Variants in MAP2 observed in about 807,000 individuals in gnomAD.
The protein encoded by MAP2 is microtubule-associated protein 2.
A neutral mutation model predicts 137.6 loss-of-function variants in MAP2; 14 were observed. That is an observed-to-expected ratio of 0.10 (90% confidence interval 0.07 to 0.16). MAP2 has a LOEUF of 0.16. Among genes scored for constraint, MAP2 ranks in the 10% least tolerant of loss-of-function variants. The pLI is 1.00. For missense variants in MAP2, 2,088 were observed against 2,191.5 expected, an observed-to-expected ratio of 0.95 and a Z score of 0.94; for synonymous variants, 786 against 782.3, an observed-to-expected ratio of 1.00 and a Z score of -0.08.
rs575208304 is a variant in MAP2 at position 209,429,199 on chromosome 2, C to A, written c.-222+4923C>A. On this transcript the variant is annotated intron_variant, in intron 1 of 15. Coordinates refer to ENST00000682079, the MANE Select transcript of MAP2 (RefSeq NM_001375505.1). ...CGATCTCCTGACCTCGTGATCCGCC[C>A]GCCTCAGCCTCCCAAAGTGCTGGGA... Among the ~76,000 whole-genome samples the A allele has an allele frequency of 2.4e-4, 36 of 152,056 alleles. No homozygotes were observed. In the East Asian group the frequency reaches 6.8e-3, roughly 29 times the overall value.
At position 209,603,794 on chromosome 2, in the gene MAP2, G is replaced by A. The variant is rs80115970; in HGVS notation, c.-106-21259G>A. ...TAACAGTTTCAGTCTTTTCATCAGAGGAAAGAAACCACAATTGCTCTTAGT... is the reference window on the plus strand; with the variant it reads ...TAACAGTTTCAGTCTTTTCATCAGAAGAAAGAAACCACAATTGCTCTTAGT... On this transcript the variant is annotated intron_variant, in intron 3 of 15. Coordinates refer to ENST00000682079, the MANE Select transcript of MAP2 (RefSeq NM_001375505.1). Among the ~76,000 whole-genome samples the A allele has an allele frequency of 1.7e-4, 26 of 152,146 alleles. No individual in the cohort carries two copies. In the East Asian group the frequency reaches 4.6e-3, roughly 27 times the overall value.
intron 1 of MAP2, among the ~76,000 whole-genome samples, chr2:209,454,444 C>T (rs1448789374): frequency 2.0e-5 from 3 of 151,874 alleles, no homozygotes; most frequent in Non-Finnish European, 2.9e-5. Flanking sequence ...AAGCAATTCT[C>T]CCTCCCTCAG....
chr2:209,564,373 C>A (rs570061562), intron 2 of MAP2, among the ~76,000 whole-genome samples: 1 of 151,948 alleles, frequency 6.6e-6, no homozygotes, highest in Non-Finnish European at 1.5e-5. Flanking sequence ...AATAATTTAT[C>A]TCAAGTTATT....
intron 1 of MAP2, among the ~76,000 whole-genome samples, chr2:209,426,762 G>A (rs1330930391): frequency 6.6e-5 from 10 of 152,140 alleles, no homozygotes; most frequent in Non-Finnish European, 4.4e-5. Flanking sequence ...TTCCTTTTCA[G>A]GGATCTTGAA....
intron 2 of MAP2, among the ~76,000 whole-genome samples, chr2:209,577,154 A>G (rs16843173): frequency 0.013 from 2,023 of 152,294 alleles, 51 homozygotes; most frequent in African/African-American, 0.046. Flanking sequence ...TCACCTCATT[A>G]TCCAAAATCA....
intron 2 of MAP2, among the ~76,000 whole-genome samples, chr2:209,524,330 C>A (rs1016533911): frequency 6.7e-6 from 1 of 149,594 alleles, no homozygotes; most frequent in African/African-American, 2.4e-5. Flanking sequence ...TCTTTTTTTT[C>A]TTTTTTTTAT....
intron 2 of MAP2, among the ~76,000 whole-genome samples, chr2:209,557,613 T>C (rs2070994830): frequency 6.6e-6 from 1 of 152,184 alleles, no homozygotes. Context: ...GTCTGTAAAA[T>C]GAGTCCTTGG....
chr2:209,714,594 A>G (rs2066793322), intron 13 of MAP2, among the ~76,000 whole-genome samples: 2 of 152,234 alleles, frequency 1.3e-5, no homozygotes, highest in African/African-American at 2.4e-5. Context: ...AGATAAATCT[A>G]TTAAACTAGA....
In MAP2 at chr2:209,699,841, A is replaced by G. The variant is rs571024278; in HGVS notation, c.4523-436A>G. ...ATCTATGGTTATGCCAGTGGCTTCC[A>G]GAACAAGAAGAGGGTTTGGAAATCT... is the stretch of plus-strand genomic sequence containing the variant. On this transcript the variant is annotated intron_variant, in intron 10 of 15. Transcript: ENST00000682079. Among the ~76,000 whole-genome samples the G allele has an allele frequency of 1.3e-3, 195 of 152,330 alleles. 1 individual carries two copies. The highest frequency in any genetic ancestry group is 4.4e-3 in the African/African-American group (185 of 41,586).
At chr2:209,544,664 G>C (rs533023921) in intron 2 of MAP2, among the ~76,000 whole-genome samples, 31 of 152,278 alleles carry the variant, frequency 2.0e-4, no homozygotes, top group African/African-American at 6.0e-4. Context: ...TATTTCCTTA[G>C]AAGTCATTGA....
chr2:209,490,988 T>C (rs1039973099), intron 1 of MAP2, among the ~76,000 whole-genome samples: 1 of 152,044 alleles, frequency 6.6e-6, no homozygotes. Flanking sequence ...CCAAATCAAC[T>C]GAATATACAT....
intron 3 of MAP2, among the ~76,000 whole-genome samples, chr2:209,619,135 T>C (rs1580866258): frequency 6.6e-6 from 1 of 152,012 alleles, no homozygotes; most frequent in African/African-American, 2.4e-5. Flanking sequence ...ATGTTGGGGG[T>C]ATGCTGGGGA....
chr2:209,690,823 A>G (rs1194002240), intron 7 of MAP2: 2 of 1,284,802 alleles, frequency 1.6e-6, no homozygotes, highest in South Asian at 1.3e-5. Context: ...CTCCAGAAGT[A>G]AAAACCCCTT....
At chr2:209,533,592 C>T (rs2065475281) in intron 2 of MAP2, among the ~76,000 whole-genome samples, 1 of 152,176 alleles carries the variant, frequency 6.6e-6, no homozygotes, top group African/African-American at 2.4e-5. Context: ...TTCCTTTCAG[C>T]CTTTTGTTGT....
At chr2:209,568,332 A>C (rs944716974) in intron 2 of MAP2, among the ~76,000 whole-genome samples, 3 of 151,984 alleles carry the variant, frequency 2.0e-5, no homozygotes, top group Non-Finnish European at 4.4e-5. Flanking sequence ...CATTCCACTT[A>C]TGATATTGTA....
Position 209,693,417 on chromosome 2 carries a change from A to T in MAP2, c.1247A>T (p.Asn416Ile). ...KVLEEEKEAI[N>I]QETVQQRDTF... ...TTAGAGGAAGAAAAGGAGGCCATAA[A>T]TCAAGAGACTGTGCAGCAAAGGGAT... Residue 416 changes from asparagine to isoleucine, a missense_variant, in exon 8 of 16, where the codon AAT becomes ATT. Transcript: ENST00000682079. 6.2e-7 allele frequency: 1 copy of T among 1,613,542 alleles called. No homozygotes were observed. Among genetic ancestry groups the T allele is most frequent in the South Asian group, 1.1e-5 (1 of 90,944 alleles).
chr2:209,582,902 T>G (rs1046577286), intron 3 of MAP2, among the ~76,000 whole-genome samples: 1 of 152,136 alleles, frequency 6.6e-6, no homozygotes, highest in African/African-American at 2.4e-5. Context: ...GGGAGATAAG[T>G]GTGGTCTCCA....
intron 5 of MAP2, among the ~76,000 whole-genome samples, chr2:209,669,054 G>T (rs143627286): frequency 6.6e-6 from 1 of 152,120 alleles, no homozygotes; most frequent in East Asian, 1.9e-4. Flanking sequence ...GGTGTAAAGA[G>T]AATCTTTGCG....
At chr2:209,710,730 T>C (rs1481507061) in intron 13 of MAP2, 2 of 159,098 alleles carry the variant, frequency 1.3e-5, no homozygotes, top group African/African-American at 2.4e-5. Flanking sequence ...TCACCGAGTT[T>C]CAATTCTGGC....
Sources: gnomAD v4.1 joint callset for allele counts (sites outside exome capture counted in the v4.1 genomes callset) on GRCh38, gnomAD v4.1.1 for gene constraint, MANE v1.5 for transcripts, NCBI Gene and HGNC (gene_info 2026-07-23, HGNC 2026-07-21) for gene names.